The following NFIA variants were observed in gnomAD, a reference collection of about 807,000 sequenced individuals.
The protein encoded by NFIA is nuclear factor 1 A-type.
Under a neutral mutation model 62.8 loss-of-function variants are expected in NFIA, and 8 were observed. That is an observed-to-expected ratio of 0.13 (90% CI 0.07 to 0.23). The LOEUF (loss-of-function observed/expected upper bound fraction) is 0.23, where lower values mean the gene tolerates loss of function less well. Ranked by LOEUF, NFIA falls within the 10% of genes least tolerant of loss-of-function variation. The pLI is 1.00. For missense variants in NFIA, 410 were observed against 642.1 expected (o/e 0.64, Z 3.91); for synonymous variants, 235 against 238.1 (o/e 0.99, Z 0.12).
At chr1:61,276,121 T>C (rs1206101833) in intron 2 of NFIA, among the ~76,000 whole-genome samples, 1 of 152,226 alleles carries the variant, frequency 6.6e-6, no homozygotes, top group Non-Finnish European at 1.5e-5. Context: ...TCTTCTGTTA[T>C]TTAAACCTTT....
chr1:61,438,900 G>C (rs969879873), intron 10 of NFIA, among the ~76,000 whole-genome samples: 1 of 151,840 alleles, frequency 6.6e-6, no homozygotes, highest in Non-Finnish European at 1.5e-5. Context: ...CTGAAATACC[G>C]CAGGGACTTA....
intron 2 of NFIA, among the ~76,000 whole-genome samples, chr1:61,189,065 T>G (rs185593113): frequency 1.0e-3 from 157 of 152,292 alleles, no homozygotes; most frequent in African/African-American, 2.5e-3. Context: ...ACCAAGGAGA[T>G]AACTGTAATC....
At chr1:61,452,736 G>T (rs1668113931) in intron 10 of NFIA, among the ~76,000 whole-genome samples, 1 of 152,160 alleles carries the variant, frequency 6.6e-6, no homozygotes, top group Non-Finnish European at 1.5e-5. Flanking sequence ...CCAAAAACCT[G>T]GAGTCAGCAA....
intron 3 of NFIA, among the ~76,000 whole-genome samples, chr1:61,282,416 C>G (rs754300542): frequency 1.3e-5 from 2 of 152,140 alleles, no homozygotes; most frequent in Admixed American, 1.3e-4. Context: ...TTGTGAACTC[C>G]CATGACATAC....
At chr1:61,171,813 G>A (rs1649989015) in intron 2 of NFIA, among the ~76,000 whole-genome samples, 2 of 152,174 alleles carry the variant, frequency 1.3e-5, no homozygotes, top group African/African-American at 4.8e-5. Flanking sequence ...TAGGAACTGT[G>A]TGCTTGCCTA....
chr1:61,380,157 T>G (rs1664346381), intron 6 of NFIA, among the ~76,000 whole-genome samples: 1 of 152,188 alleles, frequency 6.6e-6, no homozygotes, highest in South Asian at 2.1e-4. Context: ...CTATTTACTC[T>G]CATTGGGTTT....
At chr1:61,159,107 A>G (rs1181756182) in intron 2 of NFIA, among the ~76,000 whole-genome samples, 1 of 152,082 alleles carries the variant, frequency 6.6e-6, no homozygotes, top group African/African-American at 2.4e-5. Flanking sequence ...GGGTCTATAC[A>G]TCAGTCAAGA....
At chr1:61,191,969 T>G (rs200469179) in intron 2 of NFIA, among the ~76,000 whole-genome samples, 11 of 19,036 alleles carry the variant, frequency 5.8e-4, no homozygotes, top group African/African-American at 4.4e-3. Context: ...TTGTTTTTTG[T>G]TTTTTTTTGA....
At chr1:61,394,468 T>C (rs1665166996) in intron 7 of NFIA, among the ~76,000 whole-genome samples, 1 of 152,150 alleles carries the variant, frequency 6.6e-6, no homozygotes, top group African/African-American at 2.4e-5. Flanking sequence ...CCACCATGCC[T>C]GACCAATTGC....
intron 3 of NFIA, among the ~76,000 whole-genome samples, chr1:61,305,968 C>G (rs1490122683): frequency 6.6e-6 from 1 of 151,818 alleles, no homozygotes; most frequent in African/African-American, 2.4e-5. Context: ...CTGCATCAGC[C>G]TCCCGAGTAG....
intron 3 of NFIA, among the ~76,000 whole-genome samples, chr1:61,319,447 C>T (rs1444665368): frequency 2.0e-5 from 3 of 152,204 alleles, no homozygotes; most frequent in Middle Eastern, 3.4e-3. Context: ...ATATGTCATA[C>T]ATTGTACAAA....
chr1:61,156,844 A>G (rs1648850699), intron 2 of NFIA, among the ~76,000 whole-genome samples: 1 of 152,238 alleles, frequency 6.6e-6, no homozygotes, highest in East Asian at 1.9e-4. Flanking sequence ...TCTTTAATTG[A>G]CAAGTGTCAT....
intron 2 of NFIA, among the ~76,000 whole-genome samples, chr1:61,164,750 A>T (rs1649456568): frequency 6.6e-6 from 1 of 152,068 alleles, no homozygotes; most frequent in African/African-American, 2.4e-5. Context: ...GTGAGCCACC[A>T]CGTCCAGCCA....
intron 3 of NFIA, among the ~76,000 whole-genome samples, chr1:61,291,569 C>CA (rs1658883906): frequency 6.6e-6 from 1 of 152,130 alleles, no homozygotes; most frequent in Non-Finnish European, 1.5e-5. Flanking sequence ...ATATAGAGGA[C>CA]AAGGAAACTG....
chr1:61,286,481 G>A (rs2152094), intron 3 of NFIA, among the ~76,000 whole-genome samples: 72,150 of 151,362 alleles, frequency 0.48, 18,105 homozygotes, highest in Non-Finnish European at 0.56. Flanking sequence ...GGTATTGGAT[G>A]TGTTAAGGGA....
chr1:61,240,640 A>G (rs1655292247), intron 2 of NFIA, among the ~76,000 whole-genome samples: 1 of 152,068 alleles, frequency 6.6e-6, no homozygotes, highest in Admixed American at 6.6e-5. Flanking sequence ...TGGACAAAAA[A>G]TATTTTCAAA....
At chr1:61,139,035 CA>C (rs1346984408) in intron 2 of NFIA, among the ~76,000 whole-genome samples, 1 of 151,340 alleles carries the variant, frequency 6.6e-6, no homozygotes, top group African/African-American at 2.4e-5. Flanking sequence ...GCTAAAAATA[CA>C]AAAATTAACT....
intron 1 of NFIA, among the ~76,000 whole-genome samples, chr1:61,084,849 A>G (rs1266816139): frequency 2.1e-4 from 32 of 151,318 alleles, no homozygotes; most frequent in Admixed American, 2.1e-3. Flanking sequence ...ACATTAAGAG[A>G]GTTTTTTTTT....
At chr1:61,429,698 A>C (rs1042574421) in intron 10 of NFIA, among the ~76,000 whole-genome samples, 5 of 152,266 alleles carry the variant, frequency 3.3e-5, no homozygotes, top group African/African-American at 4.8e-5. Context: ...TGGTTAAACA[A>C]AATGTGGTCT....
Sources: allele counts gnomAD v4.1 joint callset (sites outside exome capture counted in the v4.1 genomes callset), GRCh38; gene constraint gnomAD v4.1.1; transcripts MANE v1.5; gene names NCBI Gene and HGNC (gene_info 2026-07-23, HGNC 2026-07-21).